Variants in NTNG2 observed in about 807,000 individuals in gnomAD.
NTNG2 encodes the protein netrin-G2.
A neutral mutation model predicts 47.6 loss-of-function variants in NTNG2; 15 were observed. The ratio of observed to expected loss-of-function variants is 0.32; its 90% CI spans 0.21 to 0.49. The LOEUF (loss-of-function observed/expected upper bound fraction) is 0.49. Ranked by LOEUF, NTNG2 falls within the 20% of genes least tolerant of loss-of-function variation. The pLI is 0.99. For missense variants in NTNG2, 578 were observed against 764.6 expected (o/e 0.76, Z 2.88); for synonymous variants, 307 against 324.6 (o/e 0.95, Z 0.58).
At chr9:132,216,420 G>C (rs1235943968) in intron 3 of NTNG2, among the ~76,000 whole-genome samples, 970 of 29,192 alleles carry the variant, frequency 0.033, 26 homozygotes, top group African/African-American at 0.17. Flanking sequence ...CTCTCTGTGT[G>C]TGTGTGTATG....
At chr9:132,232,803 CT>C (rs1455958673) in intron 5 of NTNG2, 22 of 127,122 alleles carry the variant, frequency 1.7e-4, no homozygotes. Context: ...CCCACTGATC[CT>C]TCCCCCTTGG....
chr9:132,224,953 C>T (rs1368804325), intron 3 of NTNG2, among the ~76,000 whole-genome samples: 3 of 152,000 alleles, frequency 2.0e-5, no homozygotes, highest in South Asian at 2.1e-4. Context: ...GATGTAGTCT[C>T]GCTCTGTCTC....
chr9:132,238,993 G>A (rs1263488246), intron 5 of NTNG2, 111 bp from the exon 6 acceptor site: 1 of 1,137,136 alleles, frequency 8.8e-7, no homozygotes, highest in East Asian at 2.4e-5. Flanking sequence ...CTTTTCCAAA[G>A]ATGCCTTCCT....
At chr9:132,201,090 T>C (rs1589448910) in intron 3 of NTNG2, among the ~76,000 whole-genome samples, 1 of 152,360 alleles carries the variant, frequency 6.6e-6, no homozygotes, top group East Asian at 1.9e-4. Flanking sequence ...TGCCTTACCT[T>C]TCATAAGGTG....
At chr9:132,228,763 G>C (rs1312217346) in intron 4 of NTNG2, among the ~76,000 whole-genome samples, 1 of 152,054 alleles carries the variant, frequency 6.6e-6, no homozygotes, top group Non-Finnish European at 1.5e-5. Context: ...TTGCCATGTT[G>C]CCCAGGCTGG....
At position 132,162,167 on chromosome 9, in the gene NTNG2, G is replaced by C. The variant is rs1300788120; in HGVS notation, c.-556G>C. On this transcript the variant is annotated 5_prime_UTR_variant, in exon 1 of 8. Coordinates refer to ENST00000393229, the MANE Select transcript of NTNG2 (RefSeq NM_032536.4). This position sits in a 1 kb window ranked among gnomAD's most constrained non-coding sequence, Gnocchi z 4.6. The stretch of plus-strand genomic sequence containing the variant: ...CCCACCCAGCGCCAGCCCGAGGGGG[G>C]AGGCGCAGCGCCGGAGGGTGGCGGT... 5 of 152,514 alleles carry C rather than the reference G, an allele frequency of 3.3e-5. No homozygotes were observed. The highest frequency in any genetic ancestry group is 5.9e-5 in the Non-Finnish European group (4 of 67,798). The allele number at this position is 152,514 out of a possible 1,614,324, so 9.4% of individuals were successfully genotyped here. A position where few individuals can be genotyped will look rare whatever the true frequency, so the allele number is the denominator to read the frequency against.
rs1840166952 is a variant in NTNG2 at position 132,218,855 on chromosome 9, T to G, written c.858-7994T>G. ...AATCTCTGAAGATTTTTAGGAGAGA[T>G]ACTGCAAGAAAAGCCTGGAAGCTGT... is the stretch of plus-strand genomic sequence containing the variant. On this transcript the variant is annotated intron_variant, in intron 3 of 7. Transcript: ENST00000393229. The surrounding 1 kb of genome is among the most constrained non-coding windows in gnomAD (Gnocchi z 5.4). Among the ~76,000 whole-genome samples the G allele has an allele frequency of 6.6e-6, 1 of 152,188 alleles. No individual in the cohort carries two copies. The highest frequency in any genetic ancestry group is 6.5e-5 in the Admixed American group (1 of 15,280).
At chr9:132,200,641 A>G (rs1428724088) in intron 3 of NTNG2, among the ~76,000 whole-genome samples, 2 of 152,060 alleles carry the variant, frequency 1.3e-5, no homozygotes, top group Admixed American at 1.3e-4. Context: ...ATTTTGTTTC[A>G]CTTTGACGGT....
rs1440293405 is a variant in NTNG2 at position 132,198,062 on chromosome 9, G to A, written c.310G>A (p.Ala104Thr). 1.9e-6 allele frequency: 3 copies of A among 1,613,558 alleles called. No homozygotes were observed. The highest frequency in any genetic ancestry group is 2.5e-6 in the Non-Finnish European group (3 of 1,179,932). ...LMFDKEEEGL[A>T]TYWQSITWSR... ...GTTCGACAAGGAGGAGGAGGGCCTG[G>A]CCACCTACTGGCAGAGCATCACCTG... The change falls in exon 3 of 8, where the codon GCC becomes ACC. Residue 104 changes from alanine (A) to threonine (T), a missense_variant. By Grantham distance (58) the Ala-to-Thr change is moderately conservative. Transcript: ENST00000393229.
intron 2 of NTNG2, among the ~76,000 whole-genome samples, chr9:132,173,740 G>A (rs150515848): frequency 6.1e-5 from 9 of 148,514 alleles, no homozygotes; most frequent in Admixed American, 1.3e-4. Context: ...ACCATGCTGC[G>A]GATGAGATGG....
In NTNG2 at chr9:132,163,753, G is replaced by C. The variant is rs1291035471; in HGVS notation, c.-484+1514G>C. ...GCAACTCCAAGAGGAACCTGCTGGC[G>C]AGCCCAGCCAGCTCGGGAGGCGCTA... is the stretch of plus-strand genomic sequence containing the variant. On this transcript the variant is annotated intron_variant, in intron 1 of 7. Coordinates refer to ENST00000393229, the MANE Select transcript of NTNG2 (RefSeq NM_032536.4). The surrounding 1 kb of genome is among the most constrained non-coding windows in gnomAD (Gnocchi z 7.2). Among the ~76,000 whole-genome samples the C allele has an allele frequency of 6.6e-6, 1 of 152,226 alleles. No individual in the cohort carries two copies. Among genetic ancestry groups the C allele is most frequent in the African/African-American group, 2.4e-5 (1 of 41,450 alleles).
chr9:132,188,190 C>A (rs528929832), intron 2 of NTNG2, among the ~76,000 whole-genome samples: 52 of 152,374 alleles, frequency 3.4e-4, no homozygotes, highest in African/African-American at 8.2e-4. Flanking sequence ...TCTACCTGGG[C>A]ACCCACACCC....
At chr9:132,227,267 C>T (rs1393266038) in intron 4 of NTNG2, among the ~76,000 whole-genome samples, 1 of 152,234 alleles carries the variant, frequency 6.6e-6, no homozygotes, top group Non-Finnish European at 1.5e-5. Context: ...ACACACACAC[C>T]TTGTTCTACA....
At chr9:132,191,582 T>C (rs1191648396) in intron 2 of NTNG2, among the ~76,000 whole-genome samples, 1 of 152,054 alleles carries the variant, frequency 6.6e-6, no homozygotes, top group Admixed American at 6.5e-5. Context: ...TTTTTTCTTT[T>C]AGACAGAGTC....
At chr9:132,227,440 G>C (rs1840860780) in intron 4 of NTNG2, among the ~76,000 whole-genome samples, 1 of 152,212 alleles carries the variant, frequency 6.6e-6, no homozygotes, top group East Asian at 1.9e-4. Flanking sequence ...CTGGCAGGTG[G>C]CCCCCATGGG....
chr9:132,223,717 G>A (rs1564432469), intron 3 of NTNG2, among the ~76,000 whole-genome samples: 1 of 152,124 alleles, frequency 6.6e-6, no homozygotes, highest in African/African-American at 2.4e-5. Context: ...GGTGGGCCCA[G>A]GTGCCCTGCC....
At chr9:132,238,868 A>G in intron 5 of NTNG2, 1 of 603,812 alleles carries the variant, frequency 1.7e-6, no homozygotes, top group Non-Finnish European at 3.0e-6. Context: ...CCACAGGGCC[A>G]GGTGGGAATC....
At chr9:132,172,775 G>A (rs1256107889) in intron 2 of NTNG2, among the ~76,000 whole-genome samples, 1 of 143,168 alleles carries the variant, frequency 7.0e-6, no homozygotes, top group Non-Finnish European at 1.5e-5. Flanking sequence ...TGTCGCCCAG[G>A]CTGGAGTGCA....
At chr9:132,201,481 G>A (rs541489312) in intron 3 of NTNG2, among the ~76,000 whole-genome samples, 62 of 152,208 alleles carry the variant, frequency 4.1e-4, no homozygotes, top group Non-Finnish European at 7.3e-4. Context: ...CTTCAGTTCC[G>A]CTGGGAAAGT....
Sources: allele counts gnomAD v4.1 joint callset (sites outside exome capture counted in the v4.1 genomes callset), GRCh38; gene constraint gnomAD v4.1.1; non-coding constraint Gnocchi (gnomAD v3.1); transcripts MANE v1.5; gene names NCBI Gene and HGNC (gene_info 2026-07-23, HGNC 2026-07-21).